Variants in MARK1 observed in about 807,000 individuals in gnomAD.
MARK1 encodes serine/threonine-protein kinase MARK1.
MARK1 carries 40 observed loss-of-function variants against 96.3 expected under a neutral mutation model. That is an observed-to-expected ratio of 0.42 (90% CI 0.32 to 0.54). MARK1 has a LOEUF of 0.54. MARK1 is among the 20% of genes least tolerant of loss of function. The pLI, the probability that MARK1 is intolerant of heterozygous loss-of-function variation, is 0.16. For synonymous variants in MARK1, 317 were observed against 341.2 expected (o/e 0.93, Z 0.78); for missense variants, 719 against 984.6 (o/e 0.73, Z 3.61).
chr1:220,601,266 T>C (rs969345050), intron 5 of MARK1, among the ~76,000 whole-genome samples: 4 of 151,838 alleles, frequency 2.6e-5, no homozygotes, highest in African/African-American at 9.7e-5. Flanking sequence ...TAATTGCTTT[T>C]GCAGTTGTTT....
chr1:220,546,886 C>T (rs186514094), intron 1 of MARK1, among the ~76,000 whole-genome samples: 3 of 151,526 alleles, frequency 2.0e-5, no homozygotes, highest in Admixed American at 6.6e-5. Context: ...GCAGGAGAAT[C>T]GCTTGAACCC....
At chr1:220,595,152 C>G (rs1229308203) in intron 3 of MARK1, among the ~76,000 whole-genome samples, 1 of 152,024 alleles carries the variant, frequency 6.6e-6, no homozygotes, top group African/African-American at 2.4e-5. Flanking sequence ...TTGCTGTGAA[C>G]CTAAAACTGC....
At chr1:220,604,792 A>G (rs1295352246) in intron 6 of MARK1, among the ~76,000 whole-genome samples, 1 of 152,116 alleles carries the variant, frequency 6.6e-6, no homozygotes, top group Non-Finnish European at 1.5e-5. Flanking sequence ...ATAAGTTACC[A>G]TATAAATAGC....
In MARK1 at chr1:220,645,089, G is replaced by C. The variant is rs183810796; in HGVS notation, c.1471-5531G>C. 3.9e-5 allele frequency among the ~76,000 whole-genome samples: 6 copies of C among 152,172 alleles called. No homozygotes were observed. In the East Asian group the frequency reaches 9.7e-4, roughly 25 times the overall value. ...AACCAAGCTCAGAGCTGAACTGAAG[G>C]AGATAGAGACATGAAAAACTCTTCA... On this transcript the variant is annotated intron_variant, in intron 13 of 17. Transcript: ENST00000366917.
At chr1:220,647,836 G>A (rs569095999) in intron 13 of MARK1, among the ~76,000 whole-genome samples, 48 of 152,198 alleles carry the variant, frequency 3.2e-4, no homozygotes, top group African/African-American at 9.9e-4. Context: ...AGTGGGAGCC[G>A]AATAATGAGA....
intron 1 of MARK1, among the ~76,000 whole-genome samples, chr1:220,540,757 G>T (rs1661084687): frequency 6.6e-6 from 1 of 151,138 alleles, no homozygotes; most frequent in Non-Finnish European, 1.5e-5. Context: ...CAAATTTGTT[G>T]ATCTTTTCAA....
At chr1:220,550,922 A>G (rs1319237337) in intron 1 of MARK1, among the ~76,000 whole-genome samples, 1 of 152,228 alleles carries the variant, frequency 6.6e-6, no homozygotes, top group Non-Finnish European at 1.5e-5. Flanking sequence ...TACTTACACA[A>G]TTGTGGAAGC....
At chr1:220,648,546 G>T (rs79198620) in intron 13 of MARK1, among the ~76,000 whole-genome samples, 1 of 152,222 alleles carries the variant, frequency 6.6e-6, no homozygotes, top group Non-Finnish European at 1.5e-5. Flanking sequence ...GGCAAGGGAG[G>T]TAGAGTGGGA....
intron 3 of MARK1, among the ~76,000 whole-genome samples, chr1:220,589,249 T>C (rs181901791): frequency 6.6e-6 from 1 of 152,316 alleles, no homozygotes; most frequent in East Asian, 1.9e-4. Context: ...TATGACACTT[T>C]GGGTGTAACT....
intron 1 of MARK1, 135 bp downstream of exon 1, chr1:220,529,008 G>A: frequency 1.2e-6 from 1 of 811,326 alleles, no homozygotes; most frequent in East Asian, 3.1e-5. Flanking sequence ...AGCCCGGCGT[G>A]ACCCTCACCC....
chr1:220,603,805 G>T (rs962227459), intron 5 of MARK1, among the ~76,000 whole-genome samples: 6 of 152,016 alleles, frequency 3.9e-5, no homozygotes, highest in African/African-American at 1.2e-4. Flanking sequence ...ATACTTGAAA[G>T]CAGAAAGCAA....
intron 16 of MARK1, among the ~76,000 whole-genome samples, chr1:220,655,267 T>C (rs540559606): frequency 2.0e-5 from 3 of 151,836 alleles, no homozygotes; most frequent in Admixed American, 2.0e-4. Context: ...CCTTACACTC[T>C]TGGTGATCTC....
intron 5 of MARK1, among the ~76,000 whole-genome samples, chr1:220,600,770 T>C (rs557857360): frequency 5.9e-5 from 9 of 152,322 alleles, no homozygotes; most frequent in Admixed American, 3.3e-4. Context: ...TGAGCTCTTT[T>C]AGTTAATGAA....
At position 220,638,226 on chromosome 1, in the gene MARK1, A is replaced by G. The variant is rs184591985; in HGVS notation, c.1470+2200A>G. On this transcript the variant is annotated intron_variant, in intron 13 of 17. Transcript: ENST00000366917. ...AATAATTGGTCCCGTACTTTCTACC[A>G]TTTAATATTAACCTGTCATTTGACT... Among the ~76,000 whole-genome samples, 490 of 151,832 alleles carry G rather than the reference A, an allele frequency of 3.2e-3. 2 individuals carry two copies. The highest frequency in any genetic ancestry group is 5.8e-3 in the Non-Finnish European group (392 of 67,974).
chr1:220,533,227 GTTGT>G (rs1357744138), intron 1 of MARK1, among the ~76,000 whole-genome samples: 2 of 152,054 alleles, frequency 1.3e-5, no homozygotes, highest in Non-Finnish European at 2.9e-5. Context: ...AGCTAATATT[GTTGT>G]TTGTTGTAGC....
rs112580759 is a variant in MARK1, at chr1:220,592,561, CAG to C, written c.310-5768_310-5767del. 1.9e-4 allele frequency among the ~76,000 whole-genome samples: 29 copies of C among 152,266 alleles called. 1 individual carries two copies. The highest frequency in any genetic ancestry group is 7.0e-4 in the African/African-American group (29 of 41,542). On this transcript the variant is annotated intron_variant, in intron 3 of 17. Coordinates refer to ENST00000366917, the MANE Select transcript of MARK1 (RefSeq NM_018650.5). ...TGATTGCAGCCTTACGAGACCTGAGCAGAAGACCCAGTTAAGTCAGGCTTGGA... is the reference window on the plus strand; with the variant it reads ...TGATTGCAGCCTTACGAGACCTGAGCAAGACCCAGTTAAGTCAGGCTTGGA...
At chr1:220,564,621 C>T (rs1335478638) in intron 1 of MARK1, among the ~76,000 whole-genome samples, 1 of 152,084 alleles carries the variant, frequency 6.6e-6, no homozygotes, top group Non-Finnish European at 1.5e-5. Flanking sequence ...TGTTGGGAAA[C>T]AATTCTAGCT....
intron 1 of MARK1, among the ~76,000 whole-genome samples, chr1:220,545,530 G>A (rs540302890): frequency 7.9e-5 from 11 of 139,700 alleles, no homozygotes; most frequent in Non-Finnish European, 9.1e-5. Flanking sequence ...TTGGCCTTCC[G>A]GGTTCAATCA....
At chr1:220,598,778 G>A (rs981083623) in intron 4 of MARK1, among the ~76,000 whole-genome samples, 3 of 152,088 alleles carry the variant, frequency 2.0e-5, no homozygotes, top group South Asian at 4.2e-4. Context: ...TGGATTGCCC[G>A]AGTTCAGGAG....
Sources: gnomAD v4.1 joint callset for allele counts (sites outside exome capture counted in the v4.1 genomes callset) on GRCh38, gnomAD v4.1.1 for gene constraint, MANE v1.5 for transcripts, NCBI Gene and HGNC (gene_info 2026-07-23, HGNC 2026-07-21) for gene names.